Variants in FRMD4A observed in about 807,000 individuals in gnomAD.
FRMD4A encodes the protein FERM domain-containing protein 4A.
In FRMD4A, 29 loss-of-function variants were observed where a neutral mutation model predicts 129.1. The ratio of observed to expected loss-of-function variants is 0.22; its 90% CI spans 0.17 to 0.31. FRMD4A has a LOEUF of 0.31. FRMD4A is among the 10% of genes least tolerant of loss of function. The pLI is 1.00. For synonymous variants in FRMD4A, 634 were observed against 571.6 expected, an observed-to-expected ratio of 1.11 and a Z score of -1.56; for missense variants, 1,272 against 1,375.8, an observed-to-expected ratio of 0.92 and a Z score of 1.19.
chr10:14,079,238 T>G (rs1835787797), intron 2 of FRMD4A, among the ~76,000 whole-genome samples: 1 of 152,128 alleles, frequency 6.6e-6, no homozygotes, highest in African/African-American at 2.4e-5. Context: ...ATGGCCAAAC[T>G]GGGATTTGAA....
chr10:14,174,866 AGTGT>A (rs1404095209), intron 2 of FRMD4A, among the ~76,000 whole-genome samples: 1 of 139,524 alleles, frequency 7.2e-6, no homozygotes, highest in South Asian at 2.3e-4. Flanking sequence ...TAAAAAAAAA[AGTGT>A]GTGTGTGTCT....
At chr10:13,937,278 T>C (rs1011696981) in intron 2 of FRMD4A, among the ~76,000 whole-genome samples, 7 of 152,178 alleles carry the variant, frequency 4.6e-5, no homozygotes, top group African/African-American at 1.7e-4. Context: ...CTGATTACAG[T>C]GGTGCTTCCT....
intron 8 of FRMD4A, among the ~76,000 whole-genome samples, chr10:13,761,292 G>C (rs933464886): frequency 6.6e-6 from 1 of 152,188 alleles, no homozygotes; most frequent in Admixed American, 6.5e-5. Context: ...CTACTTGTCA[G>C]GACTGACAGG....
chr10:14,125,469 G>A (rs925455353), intron 2 of FRMD4A, among the ~76,000 whole-genome samples: 1 of 152,082 alleles, frequency 6.6e-6, no homozygotes, highest in African/African-American at 2.4e-5. Context: ...ACTTGCAAAG[G>A]TCCAATACCC....
chr10:14,161,547 G>T (rs993841006), intron 2 of FRMD4A, among the ~76,000 whole-genome samples: 4 of 152,172 alleles, frequency 2.6e-5, no homozygotes, highest in Non-Finnish European at 4.4e-5. Flanking sequence ...AGGTCATTAT[G>T]AAATAAGCCA....
rs558008994 is a variant in FRMD4A at position 14,079,958 on chromosome 10, G to A, written c.46-221046C>T. On this transcript the variant is annotated intron_variant, in intron 2 of 24. Transcript: ENST00000357447. Reference sequence around the variant, plus strand: ...TCTATACAATGAAATCACTCCCTGTGTCCATTGCGCCCAACACCAAGCATA... The same window carrying A: ...TCTATACAATGAAATCACTCCCTGTATCCATTGCGCCCAACACCAAGCATA... Among the ~76,000 whole-genome samples, 14 of 152,298 alleles carry A rather than the reference G, an allele frequency of 9.2e-5. No individual in the cohort carries two copies. In the East Asian group the frequency reaches 2.5e-3, roughly 27 times the overall value.
At chr10:13,745,365 G>A (rs2135067036) in intron 9 of FRMD4A, among the ~76,000 whole-genome samples, 1 of 152,294 alleles carries the variant, frequency 6.6e-6, no homozygotes, top group South Asian at 2.1e-4. Flanking sequence ...TACATCGTCT[G>A]GGCTGTGATG....
At chr10:13,702,791 G>C (rs1407392480) in intron 13 of FRMD4A, among the ~76,000 whole-genome samples, 2 of 151,950 alleles carry the variant, frequency 1.3e-5, no homozygotes, top group African/African-American at 2.4e-5. Flanking sequence ...GGGGTCGGGG[G>C]TGCTAAAGAT....
At chr10:14,008,520 C>T (rs1344728167) in intron 2 of FRMD4A, 1 of 990,190 alleles carries the variant, frequency 1.0e-6, no homozygotes, top group Admixed American at 5.8e-5. Context: ...AACTTTGCTT[C>T]TCGTGGCTGC....
intron 2 of FRMD4A, among the ~76,000 whole-genome samples, chr10:13,953,052 G>A (rs1024859974): frequency 1.3e-5 from 2 of 152,058 alleles, no homozygotes; most frequent in African/African-American, 4.8e-5. Flanking sequence ...GAGGATGGTG[G>A]TCATAGCTAT....
chr10:13,861,335 G>A (rs1016964727), intron 2 of FRMD4A, among the ~76,000 whole-genome samples: 1 of 152,228 alleles, frequency 6.6e-6, no homozygotes, highest in African/African-American at 2.4e-5. Flanking sequence ...CATATCCAAA[G>A]CTGTCATGAA....
intron 6 of FRMD4A, among the ~76,000 whole-genome samples, chr10:13,778,375 C>T (rs970025227): frequency 5.9e-5 from 9 of 151,906 alleles, no homozygotes; most frequent in Non-Finnish European, 8.8e-5. Flanking sequence ...TCCCTCCATT[C>T]GGCAAAACCC....
chr10:14,181,983 C>T (rs184759791), intron 2 of FRMD4A, among the ~76,000 whole-genome samples: 37 of 152,322 alleles, frequency 2.4e-4, no homozygotes, highest in South Asian at 8.3e-4. Context: ...ACGTGAGCCA[C>T]GGTACCCGGA....
At chr10:14,199,723 C>G (rs916131308) in intron 2 of FRMD4A, among the ~76,000 whole-genome samples, 2 of 152,098 alleles carry the variant, frequency 1.3e-5, no homozygotes, top group African/African-American at 4.8e-5. Context: ...CTTTTAATTT[C>G]TAAATTTAAA....
chr10:14,270,380 G>T (rs1435714780), intron 2 of FRMD4A, among the ~76,000 whole-genome samples: 2 of 152,138 alleles, frequency 1.3e-5, no homozygotes, highest in African/African-American at 4.8e-5. Context: ...ATCTTCACAG[G>T]TTCTGGGGAT....
At chr10:14,080,125 G>A (rs976074572) in intron 2 of FRMD4A, among the ~76,000 whole-genome samples, 1 of 152,130 alleles carries the variant, frequency 6.6e-6, no homozygotes, top group African/African-American at 2.4e-5. Context: ...AGAGGTGCCT[G>A]CAGCAATGGC....
chr10:14,040,353 G>T (rs1038481222), intron 2 of FRMD4A, among the ~76,000 whole-genome samples: 14 of 152,104 alleles, frequency 9.2e-5, no homozygotes, highest in African/African-American at 3.4e-4. Context: ...GGTAAGAAGT[G>T]TGTGTAGCAG....
At chr10:14,298,740 A>G (rs1264213239) in intron 2 of FRMD4A, among the ~76,000 whole-genome samples, 3 of 152,186 alleles carry the variant, frequency 2.0e-5, no homozygotes, top group Non-Finnish European at 4.4e-5. Flanking sequence ...CCTTCAGAAG[A>G]CAGGGAAGAA....
chr10:13,975,105 G>T (rs1039973826), intron 2 of FRMD4A, among the ~76,000 whole-genome samples: 2 of 151,782 alleles, frequency 1.3e-5, no homozygotes, highest in Non-Finnish European at 2.9e-5. Context: ...GTGTGTGTGT[G>T]CCTGGCTCTG....
Sources: gnomAD v4.1 joint callset for allele counts (sites outside exome capture counted in the v4.1 genomes callset) on GRCh38, gnomAD v4.1.1 for gene constraint, MANE v1.5 for transcripts, NCBI Gene and HGNC (gene_info 2026-07-23, HGNC 2026-07-21) for gene names.